ST13: variants seen among roughly 807,000 people sequenced by gnomAD.
ST13 encodes the protein ST13 Hsp70 interacting protein, also known as hsc70-interacting protein.
In ST13, 23 loss-of-function variants were observed where a neutral mutation model predicts 56.7. The observed-to-expected ratio is 0.41, with a 90% CI of 0.29 to 0.57. ST13 has a LOEUF of 0.57. ST13 is among the 20% of genes least tolerant of loss of function. The pLI, the probability that ST13 is intolerant of heterozygous loss-of-function variation, is 0.36. For missense variants in ST13, 369 were observed against 459.9 expected (o/e 0.80, Z 1.81); for synonymous variants, 132 against 142.4 (o/e 0.93, Z 0.52).
At chr22:40,837,937 C>T (rs771222525) in intron 5 of ST13, among the ~76,000 whole-genome samples, 12 of 152,188 alleles carry the variant, frequency 7.9e-5, no homozygotes, top group African/African-American at 1.2e-4. Flanking sequence ...GTGTGAACCA[C>T]CACGCCCACT....
At chr22:40,855,249 A>T (rs184503755) in intron 1 of ST13, among the ~76,000 whole-genome samples, 1 of 152,348 alleles carries the variant, frequency 6.6e-6, no homozygotes, top group East Asian at 1.9e-4. Context: ...CAGGAGTTCA[A>T]GACAAGCCTG....
intron 1 of ST13, among the ~76,000 whole-genome samples, chr22:40,851,333 G>A (rs1354184516): frequency 2.6e-5 from 4 of 152,164 alleles, no homozygotes; most frequent in African/African-American, 9.7e-5. Flanking sequence ...AATTCAAAAT[G>A]TTTGTGTCCT....
chr22:40,838,522 A>T (rs1371586790), intron 5 of ST13, among the ~76,000 whole-genome samples: 1 of 151,844 alleles, frequency 6.6e-6, no homozygotes, highest in Admixed American at 6.6e-5. Context: ...GCACTTTCAG[A>T]TGCTGAGCTT....
chr22:40,852,352 A>G (rs963864843), intron 1 of ST13, among the ~76,000 whole-genome samples: 19 of 152,160 alleles, frequency 1.2e-4, no homozygotes, highest in African/African-American at 4.3e-4. Flanking sequence ...TGTACAGTTC[A>G]ACTCTCATCC....
intron 1 of ST13, among the ~76,000 whole-genome samples, chr22:40,851,717 G>A (rs1020342722): frequency 2.0e-5 from 3 of 151,656 alleles, no homozygotes; most frequent in Admixed American, 6.6e-5. Context: ...TAAAACAAGG[G>A]GATATATTAA....
At chr22:40,855,889 A>G (rs1410208288) in intron 1 of ST13, among the ~76,000 whole-genome samples, 1 of 152,190 alleles carries the variant, frequency 6.6e-6, no homozygotes, top group African/African-American at 2.4e-5. Flanking sequence ...CGGAGGTATA[A>G]TAAGTGATTC....
At chr22:40,834,171 C>T (rs2057766829) in intron 7 of ST13, among the ~76,000 whole-genome samples, 2 of 150,952 alleles carry the variant, frequency 1.3e-5, no homozygotes, top group Non-Finnish European at 3.0e-5. Context: ...ATCCCAGCTA[C>T]TCAGAAGGCT....
chr22:40,831,113 G>GA (rs2057751934), intron 8 of ST13, among the ~76,000 whole-genome samples, 157 bp from the exon 9 acceptor site: 1 of 152,202 alleles, frequency 6.6e-6, no homozygotes, highest in South Asian at 2.1e-4. Flanking sequence ...AAGCCTTTAA[G>GA]AAAACCAACC....
At chr22:40,852,599 A>T (rs1226404624) in intron 1 of ST13, among the ~76,000 whole-genome samples, 1 of 152,266 alleles carries the variant, frequency 6.6e-6, no homozygotes, top group Non-Finnish European at 1.5e-5. Flanking sequence ...AACGAAGAAA[A>T]TGTGCCTACT....
chr22:40,839,041 G>A (rs980161798), intron 5 of ST13, among the ~76,000 whole-genome samples: 2 of 152,008 alleles, frequency 1.3e-5, no homozygotes, highest in Non-Finnish European at 2.9e-5. Flanking sequence ...ATATGCAAAA[G>A]TTAATCACAG....
intron 4 of ST13, 93 bp downstream of exon 4, chr22:40,844,746 C>T (rs2057822286): frequency 7.3e-6 from 8 of 1,096,300 alleles, no homozygotes; most frequent in Non-Finnish European, 1.1e-5. Flanking sequence ...TTACTATGCG[C>T]TTTTCCTGGA....
At chr22:40,833,519 C>A (rs2057763475) in intron 7 of ST13, among the ~76,000 whole-genome samples, 1 of 142,608 alleles carries the variant, frequency 7.0e-6, no homozygotes, top group African/African-American at 2.7e-5. Flanking sequence ...GAGCCAAGAT[C>A]GCGCCACTGC....
chr22:40,826,763 G>T, intron 11 of ST13, 97 bp from the exon 12 acceptor site: 1 of 1,431,108 alleles, frequency 7.0e-7, no homozygotes, highest in Non-Finnish European at 9.5e-7. Context: ...CTGTAATTTG[G>T]TGATAGTTAA....
At chr22:40,849,262 G>C (rs2057848687) in intron 2 of ST13, among the ~76,000 whole-genome samples, 1 of 151,974 alleles carries the variant, frequency 6.6e-6, no homozygotes. Context: ...TGGATCACGA[G>C]GTCAGGAGAT....
intron 1 of ST13, among the ~76,000 whole-genome samples, chr22:40,855,558 T>C (rs2057886547): frequency 6.6e-6 from 1 of 152,208 alleles, no homozygotes; most frequent in African/African-American, 2.4e-5. Context: ...ATCTTTTCAG[T>C]TCCCCATTAG....
chr22:40,830,226 C>A (rs1446264095), intron 9 of ST13, among the ~76,000 whole-genome samples: 4 of 152,090 alleles, frequency 2.6e-5, no homozygotes, highest in African/African-American at 9.7e-5. Flanking sequence ...ACCTTAAAAT[C>A]AAGTATGATG....
chr22:40,848,222 G>A (rs1433914643), intron 3 of ST13, 72 bp downstream of exon 3: 2 of 1,085,046 alleles, frequency 1.8e-6, no homozygotes, highest in Non-Finnish European at 1.4e-6. Context: ...GCTGATTTAA[G>A]TCACTTTAAT....
In ST13 at chr22:40,827,244, G is replaced by A. The variant is rs760580522; in HGVS notation, c.848-15C>T. On this transcript the variant is annotated splice_polypyrimidine_tract_variant and intron_variant, in intron 10 of 11. Coordinates refer to ENST00000216218, the MANE Select transcript of ST13 (RefSeq NM_003932.5). ...AGGAAAGCCACCTGTAATAAAAAAT[G>A]AATAGACACTAATCATACTCCCAAA... 13 of 1,612,554 alleles carry A rather than the reference G, an allele frequency of 8.1e-6. No individual in the cohort carries two copies. Among genetic ancestry groups the A allele is most frequent in the Non-Finnish European group, 1.1e-5 (13 of 1,179,332 alleles).
chr22:40,850,003 G>A (rs1039052149), intron 2 of ST13, among the ~76,000 whole-genome samples: 3 of 151,622 alleles, frequency 2.0e-5, no homozygotes, highest in Non-Finnish European at 4.4e-5. Flanking sequence ...GGTGGCTCAC[G>A]CCTTAGTCCC....
Sources: allele counts gnomAD v4.1 joint callset (sites outside exome capture counted in the v4.1 genomes callset), GRCh38; gene constraint gnomAD v4.1.1; transcripts MANE v1.5; gene names NCBI Gene and HGNC (gene_info 2026-07-23, HGNC 2026-07-21).